CLYBL: variants seen among roughly 807,000 people sequenced by gnomAD.
CLYBL encodes the protein citramalyl-CoA lyase, mitochondrial.
CLYBL carries 31 observed loss-of-function variants against 38.9 expected under a neutral mutation model. That is an observed-to-expected ratio of 0.80 (90% confidence interval 0.60 to 1.08). The LOEUF is 1.08. CLYBL is among the 50% of genes least tolerant of loss of function. The probability of loss-of-function intolerance (pLI) is 0.00; values close to 1 mark genes in which losing one functional copy is unlikely to be tolerated. For missense variants in CLYBL, 434 were observed against 411.6 expected (o/e 1.05, Z -0.47); for synonymous variants, 171 against 158.6 (o/e 1.08, Z -0.59).
chr13:99,610,299 C>G (rs1215289604), intron 1 of CLYBL, among the ~76,000 whole-genome samples: 1 of 152,184 alleles, frequency 6.6e-6, no homozygotes, highest in Non-Finnish European at 1.5e-5. Flanking sequence ...TCCTCAGGGA[C>G]AGTTTGTACT....
chr13:99,718,492 A>C (rs958943917), intron 1 of CLYBL, among the ~76,000 whole-genome samples: 1 of 152,158 alleles, frequency 6.6e-6, no homozygotes, highest in Non-Finnish European at 1.5e-5. Context: ...CTATTTCCCA[A>C]ATGCCTTCAG....
chr13:99,802,419 G>C (rs1484324008), intron 2 of CLYBL, among the ~76,000 whole-genome samples: 5 of 152,092 alleles, frequency 3.3e-5, no homozygotes, highest in Admixed American at 3.3e-4. Context: ...AGACATAGCA[G>C]AATGTAGCAC....
intron 1 of CLYBL, among the ~76,000 whole-genome samples, chr13:99,607,767 A>G (rs1296570088): frequency 1.3e-5 from 2 of 152,274 alleles, no homozygotes; most frequent in East Asian, 3.9e-4. Context: ...TTTTTGAGAC[A>G]GAGTCTCGGT....
chr13:99,904,833 G>T (rs9582352), intron 8 of CLYBL, among the ~76,000 whole-genome samples: 26,472 of 152,148 alleles, frequency 0.17, 2,909 homozygotes, highest in African/African-American at 0.31. Flanking sequence ...AGAGGTGAGC[G>T]TAGCTGCCCT....
intron 1 of CLYBL, among the ~76,000 whole-genome samples, chr13:99,647,191 C>T (rs2047189451): frequency 6.6e-6 from 1 of 152,204 alleles, no homozygotes; most frequent in Non-Finnish European, 1.5e-5. Flanking sequence ...AGAAATGCTA[C>T]AGTCTTTAAA....
intron 1 of CLYBL, among the ~76,000 whole-genome samples, chr13:99,698,143 G>A (rs1227883078): frequency 6.6e-6 from 1 of 152,112 alleles, no homozygotes; most frequent in Non-Finnish European, 1.5e-5. Flanking sequence ...TCATGCTGCT[G>A]AACATTTTGA....
chr13:99,855,715 C>G (rs1782149749), intron 2 of CLYBL, among the ~76,000 whole-genome samples: 1 of 152,130 alleles, frequency 6.6e-6, no homozygotes, highest in Admixed American at 6.5e-5. Context: ...AACTGCCTTC[C>G]TCCCAACCCA....
Position 99,878,939 on chromosome 13 carries a change from C to T in CLYBL, c.927+7877C>T, listed in dbSNP as rs538614670. ...GAAAGTTTTAAAAATAGAAGGCTAC[C>T]TTGGTCTCTCGGATCAGCGTTTAAA... On this transcript the variant is annotated intron_variant, in intron 7 of 8. Transcript: ENST00000339105. Among the ~76,000 whole-genome samples, 5 of 152,296 alleles carry T rather than the reference C, an allele frequency of 3.3e-5. No individual in the cohort carries two copies. The East Asian group carries it at 9.7e-4, about 29-fold the overall frequency.
In CLYBL at chr13:99,724,477, A is replaced by G. The variant is rs192448093; in HGVS notation, c.63-48347A>G. ...GGTTGGCAGCCGGCACCCTCCCTTG[A>G]TAAGAGCCTGGAAACAGCCCCCAGA... On this transcript the variant is annotated intron_variant, in intron 1 of 8. Coordinates refer to ENST00000339105, the MANE Select transcript of CLYBL (RefSeq NM_206808.5). 4.5e-4 allele frequency among the ~76,000 whole-genome samples: 68 copies of G among 152,132 alleles called. 1 individual carries two copies. The East Asian group carries it at 0.013, about 29-fold the overall frequency.
At chr13:99,688,981 G>A (rs2047859231) in intron 1 of CLYBL, among the ~76,000 whole-genome samples, 1 of 152,148 alleles carries the variant, frequency 6.6e-6, no homozygotes, top group Non-Finnish European at 1.5e-5. Context: ...TGAGGCCAAG[G>A]TGAAACCTGC....
intron 1 of CLYBL, among the ~76,000 whole-genome samples, chr13:99,740,769 C>G (rs1269076002): frequency 6.6e-6 from 1 of 152,202 alleles, no homozygotes; most frequent in Non-Finnish European, 1.5e-5. Flanking sequence ...ACTGAATTTT[C>G]AAGTCCTGCT....
intron 2 of CLYBL, among the ~76,000 whole-genome samples, chr13:99,810,006 T>C (rs2050309695): frequency 6.6e-6 from 1 of 152,256 alleles, no homozygotes; most frequent in African/African-American, 2.4e-5. Flanking sequence ...GAAATGTCCA[T>C]TCTACATTAG....
chr13:99,723,781 A>G (rs2048428143), intron 1 of CLYBL, among the ~76,000 whole-genome samples: 1 of 152,238 alleles, frequency 6.6e-6, no homozygotes, highest in South Asian at 2.1e-4. Flanking sequence ...AGTAAGAAAC[A>G]GAGGTGACAA....
chr13:99,699,723 G>C (rs1453017458), intron 1 of CLYBL, among the ~76,000 whole-genome samples: 1 of 150,268 alleles, frequency 6.7e-6, no homozygotes, highest in African/African-American at 2.5e-5. Context: ...GCCAGGCGCA[G>C]TGGCTCACGC....
At chr13:99,782,420 G>T (rs532669295) in intron 2 of CLYBL, among the ~76,000 whole-genome samples, 44 of 152,234 alleles carry the variant, frequency 2.9e-4, no homozygotes, top group African/African-American at 9.9e-4. Context: ...CAGGAGAATT[G>T]CTTGAACCTC....
intron 1 of CLYBL, among the ~76,000 whole-genome samples, chr13:99,739,896 G>T (rs958802879): frequency 6.6e-6 from 1 of 152,082 alleles, no homozygotes; most frequent in East Asian, 1.9e-4. Context: ...GCTTGAACCC[G>T]GGAGGCGGAG....
At chr13:99,629,927 G>A (rs2046920123) in intron 1 of CLYBL, among the ~76,000 whole-genome samples, 1 of 152,316 alleles carries the variant, frequency 6.6e-6, no homozygotes, top group East Asian at 1.9e-4. Flanking sequence ...GTATTTACTG[G>A]TTTGAGGGTG....
chr13:99,790,012 A>G (rs1305841513), intron 2 of CLYBL, among the ~76,000 whole-genome samples: 3 of 152,064 alleles, frequency 2.0e-5, no homozygotes, highest in Admixed American at 6.6e-5. Flanking sequence ...AAAGACTAGG[A>G]TTGCAACCCC....
chr13:99,733,206 A>G (rs554220896), intron 1 of CLYBL, among the ~76,000 whole-genome samples: 47 of 152,252 alleles, frequency 3.1e-4, no homozygotes, highest in African/African-American at 1.1e-3. Flanking sequence ...AGAGATTTAT[A>G]TTAACTTTTA....
Sources: gnomAD v4.1 joint callset for allele counts (sites outside exome capture counted in the v4.1 genomes callset) on GRCh38, gnomAD v4.1.1 for gene constraint, MANE v1.5 for transcripts, NCBI Gene and HGNC (gene_info 2026-07-23, HGNC 2026-07-21) for gene names.